The following ABLIM1 variants were observed in gnomAD, a reference collection of about 807,000 sequenced individuals.
The protein encoded by ABLIM1 is actin-binding LIM protein 1.
A neutral mutation model predicts 107.0 loss-of-function variants in ABLIM1; 40 were observed. The observed-to-expected ratio is 0.37, with a 90% CI of 0.29 to 0.49. ABLIM1 has a LOEUF of 0.49. Among genes scored for constraint, ABLIM1 ranks in the 20% least tolerant of loss-of-function variants. ABLIM1 has a pLI of 0.97. For missense variants in ABLIM1, 857 were observed against 1,008.5 expected (o/e 0.85, Z 2.04); for synonymous variants, 357 against 357.3 (o/e 1.00, Z 0.01).
chr10:114,553,742 T>C (rs1358740945), intron 4 of ABLIM1, among the ~76,000 whole-genome samples: 1 of 152,224 alleles, frequency 6.6e-6, no homozygotes, highest in Non-Finnish European at 1.5e-5. Context: ...GAAGCATTCA[T>C]GGACAAAGAG....
At chr10:114,768,986 A>T (rs2082970177), upstream of ABLIM1, among the ~76,000 whole-genome samples, 1 of 151,992 alleles carries the variant, frequency 6.6e-6, no homozygotes, top group Non-Finnish European at 1.5e-5. Flanking sequence ...CTAACTAAAA[A>T]GGTGGGATTC....
intron 2 of ABLIM1, among the ~76,000 whole-genome samples, chr10:114,592,336 AG>A (rs1373761844): frequency 6.6e-6 from 1 of 152,134 alleles, no homozygotes; most frequent in Non-Finnish European, 1.5e-5. Flanking sequence ...AAAGGTCCTG[AG>A]GCTATTTGGT....
At chr10:114,510,516 T>C (rs1012413795) in intron 6 of ABLIM1, among the ~76,000 whole-genome samples, 2 of 152,116 alleles carry the variant, frequency 1.3e-5, no homozygotes, top group African/African-American at 4.8e-5. Flanking sequence ...TCATTTTTTG[T>C]ATTTCCAGAG....
the ABLIM1 span, among the ~76,000 whole-genome samples, chr10:114,775,671 A>G: frequency 6.6e-6 from 1 of 152,198 alleles, no homozygotes; most frequent in Non-Finnish European, 1.5e-5. Context: ...TAGTGATGGC[A>G]CTGATTCTTA....
chr10:114,650,105 T>C (rs1305724611), intron 1 of ABLIM1, among the ~76,000 whole-genome samples: 1 of 152,214 alleles, frequency 6.6e-6, no homozygotes, highest in Non-Finnish European at 1.5e-5. Context: ...TTCACCCATC[T>C]CGGCCTCCCA....
At chr10:114,676,305 C>T (rs938341269) in intron 1 of ABLIM1, among the ~76,000 whole-genome samples, 1 of 152,002 alleles carries the variant, frequency 6.6e-6, no homozygotes, top group South Asian at 2.1e-4. Context: ...GGCAAAATAC[C>T]GTCTCTACTA....
chr10:114,554,342 A>G (rs2137966017), intron 4 of ABLIM1, among the ~76,000 whole-genome samples: 1 of 152,278 alleles, frequency 6.6e-6, no homozygotes, highest in African/African-American at 2.4e-5. Context: ...GGGGGAAGAG[A>G]ATTTTTAATA....
chr10:114,500,504 A>AC (rs1335322290), intron 6 of ABLIM1, among the ~76,000 whole-genome samples: 1 of 151,830 alleles, frequency 6.6e-6, no homozygotes, highest in South Asian at 2.1e-4. Flanking sequence ...ACATGGAGAA[A>AC]CCCCATCTCT....
intron 1 of ABLIM1, among the ~76,000 whole-genome samples, chr10:114,703,662 C>T (rs999407877): frequency 1.3e-5 from 2 of 152,228 alleles, no homozygotes; most frequent in Admixed American, 6.5e-5. Context: ...TCATCTTCAA[C>T]GCCTCCAATG....
rs190152216 is a variant in ABLIM1 at position 114,453,351 on chromosome 10, C to T, written c.1546+28G>A. The stretch of plus-strand genomic sequence containing the variant: ...CTACATTCTACACTGTGACAGGACA[C>T]CAAGACACAGACTGTGTCAGCTCCT... On this transcript the variant is annotated intron_variant, in intron 13 of 22. Coordinates refer to ENST00000533213, the MANE Select transcript of ABLIM1 (RefSeq NM_002313.7). The T allele has an allele frequency of 1.0e-5, 16 of 1,606,660 alleles. No individual in the cohort carries two copies. The East Asian group carries it at 3.1e-4, about 31-fold the overall frequency.
chr10:114,460,359 G>C (rs1198538285), intron 12 of ABLIM1, among the ~76,000 whole-genome samples: 1 of 152,134 alleles, frequency 6.6e-6, no homozygotes, highest in African/African-American at 2.4e-5. Flanking sequence ...CCAGCACTTT[G>C]GGAGCCCCAG....
upstream of ABLIM1, among the ~76,000 whole-genome samples, chr10:114,768,622 C>A (rs1322138301): frequency 1.3e-5 from 2 of 152,094 alleles, no homozygotes; most frequent in African/African-American, 4.8e-5. Context: ...GACCCACCAG[C>A]CCCTCCGAGT....
At chr10:114,665,814 C>A (rs1032311094) in intron 1 of ABLIM1, among the ~76,000 whole-genome samples, 10 of 152,104 alleles carry the variant, frequency 6.6e-5, no homozygotes, top group Non-Finnish European at 1.2e-4. Flanking sequence ...AAACTGAGAC[C>A]CGGGAGAGTA....
In ABLIM1 at chr10:114,650,036, T is replaced by C. The variant is rs528543522; in HGVS notation, c.244+7921A>G. Among the ~76,000 whole-genome samples, 22 of 152,230 alleles carry C rather than the reference T, an allele frequency of 1.4e-4. No homozygotes were observed. In the East Asian group the frequency reaches 3.9e-3, roughly 27 times the overall value. The stretch of plus-strand genomic sequence containing the variant: ...ATGCCAGGCTAATTTTTGTATTTTT[T>C]AGTAGAGACGGGGTTTCACTATGTT... On this transcript the variant is annotated intron_variant, in intron 1 of 22. Coordinates refer to ENST00000533213, the MANE Select transcript of ABLIM1 (RefSeq NM_002313.7).
chr10:114,658,067 G>A lies in ABLIM1; in HGVS notation c.134C>T (p.Ser45Phe). 6.2e-7 allele frequency: 1 copy of A among 1,614,208 alleles called. No individual in the cohort carries two copies. Among genetic ancestry groups the A allele is most frequent in the Admixed American group, 1.7e-5 (1 of 60,022 alleles). Residue 45 changes from serine to phenylalanine, a missense_variant, in exon 1 of 23, where the codon TCT (serine) becomes TTT (phenylalanine). Ser to Phe is a radical substitution (Grantham distance 155, BLOSUM62 -2). Around this residue, in one of 5 missense-constraint regions of ABLIM1, gnomAD observed 176 missense variants for 173.5 expected, o/e 1.01. Transcript: ENST00000533213. ...CCTATGAGCGGTGAAGGAGGTCCCA[G>A]AGACCCTCCGGTCCTCAACAATCAG... ...KRLIVEDRRV[S>F]GTSFTAHRRA...
intron 1 of ABLIM1, among the ~76,000 whole-genome samples, chr10:114,630,657 T>C (rs1176676269): frequency 6.6e-6 from 1 of 152,162 alleles, no homozygotes; most frequent in Non-Finnish European, 1.5e-5. Context: ...TCATCTTGAG[T>C]TCAGCATTTT....
the ABLIM1 span, among the ~76,000 whole-genome samples, chr10:114,793,940 T>A: frequency 6.6e-6 from 1 of 152,220 alleles, no homozygotes; most frequent in East Asian, 1.9e-4. Flanking sequence ...ATCTTCTAGT[T>A]AGTTGGACTG....
At chr10:114,451,699 G>A (rs1321537200) in intron 13 of ABLIM1, 28 bp from the exon 14 acceptor site, 8 of 1,590,266 alleles carry the variant, frequency 5.0e-6, no homozygotes, top group Non-Finnish European at 6.9e-6. Flanking sequence ...AAAGGTGTGT[G>A]ATTATGGGAA....
intron 1 of ABLIM1, among the ~76,000 whole-genome samples, chr10:114,729,397 A>G (rs1376907566): frequency 6.6e-6 from 1 of 152,094 alleles, no homozygotes; most frequent in African/African-American, 2.4e-5. Flanking sequence ...TTTTAAAAAG[A>G]TTAAGGGCTT....
Sources: gnomAD v4.1 joint callset for allele counts (sites outside exome capture counted in the v4.1 genomes callset) on GRCh38, gnomAD v4.1.1 for gene constraint, gnomAD v4.1.1 regional missense constraint, MANE v1.5 for transcripts, NCBI Gene and HGNC (gene_info 2026-07-23, HGNC 2026-07-21) for gene names.